The following PATL1 variants were observed in gnomAD, a reference collection of about 807,000 sequenced individuals.
PATL1 encodes protein PAT1 homolog 1.
In PATL1, 32 loss-of-function variants were observed where a neutral mutation model predicts 100.6. The ratio of observed to expected loss-of-function variants is 0.32; its 90% CI spans 0.24 to 0.43. PATL1 has a LOEUF of 0.43. Among genes scored for constraint, PATL1 ranks in the 20% least tolerant of loss-of-function variants. The pLI is 1.00. For synonymous variants in PATL1, 332 were observed against 330.0 expected (o/e 1.01, Z -0.07); for missense variants, 747 against 949.9 (o/e 0.79, Z 2.81).
At position 59,638,324 on chromosome 11, in the gene PATL1, T is replaced by TC; in HGVS notation, c.*65dup. ...ACCTTCCTTCCCTCATTAAAAACAC[T>TC]CCATTGGTGATGGCAGCAGTGCAGG... On this transcript the variant is annotated 3_prime_UTR_variant, in exon 19 of 19. Transcript: ENST00000300146. 2.0e-6 allele frequency: 3 copies of TC among 1,517,618 alleles called. No individual in the cohort carries two copies. Among genetic ancestry groups the TC allele is most frequent in the Non-Finnish European group, 2.7e-6 (3 of 1,096,798 alleles). The allele number at this position is 1,517,618 out of a possible 1,614,324, so 94.0% of individuals were successfully genotyped here.
chr11:59,653,853 T>C (rs921492572), intron 9 of PATL1, 130 bp downstream of exon 9: 1 of 703,982 alleles, frequency 1.4e-6, no homozygotes, highest in African/African-American at 1.8e-5. Flanking sequence ...TACATGTTGA[T>C]AATACATCCA....
At chr11:59,665,978 T>C (rs1861682551) in intron 2 of PATL1, among the ~76,000 whole-genome samples, 1 of 152,124 alleles carries the variant, frequency 6.6e-6, no homozygotes, top group East Asian at 1.9e-4. Context: ...TTTTAAACTT[T>C]TTCCAACTCT....
At chr11:59,639,467 G>T in intron 16 of PATL1, 84 bp from the exon 17 acceptor site, 1 of 1,019,156 alleles carries the variant, frequency 9.8e-7, no homozygotes, top group Non-Finnish European at 1.5e-6. Context: ...GGCATCAGAT[G>T]GGGAACAGCT....
rs977028443 is a variant in PATL1, at chr11:59,668,988, C to T, written c.-93G>A. Reference sequence around the variant, plus strand: ...GCTCCTCCGCGCGCGGGTCCTCCACCGGCTCGCGACCCCTGGCCGCCGCCG... The same window carrying T: ...GCTCCTCCGCGCGCGGGTCCTCCACTGGCTCGCGACCCCTGGCCGCCGCCG... On this transcript the variant is annotated 5_prime_UTR_variant, in exon 1 of 19. Coordinates refer to ENST00000300146, the MANE Select transcript of PATL1 (RefSeq NM_152716.3). 1.0e-4 allele frequency: 31 copies of T among 298,064 alleles called. 1 individual carries two copies. The highest frequency in any genetic ancestry group is 9.3e-4 in the South Asian group (8 of 8,578). 18.5% of individuals were successfully genotyped at this position (298,064 alleles called of 1,614,324 possible). A position where few individuals can be genotyped will look rare whatever the true frequency, so the allele number is the denominator to read the frequency against.
At chr11:59,644,911 A>ATTTT (rs1861339724) in intron 15 of PATL1, among the ~76,000 whole-genome samples, 1 of 138,548 alleles carries the variant, frequency 7.2e-6, no homozygotes, top group African/African-American at 2.8e-5. Context: ...TTTTTTTTTA[A>ATTTT]AAAAAAAAAA....
intron 14 of PATL1, among the ~76,000 whole-genome samples, chr11:59,648,411 C>T (rs1490516372): frequency 6.6e-6 from 1 of 151,056 alleles, no homozygotes; most frequent in East Asian, 1.9e-4. Context: ...TCTCTGAACT[C>T]TTGACCTCAA....
intron 13 of PATL1, 122 bp from the exon 14 acceptor site, chr11:59,649,732 T>TA: frequency 1.8e-6 from 2 of 1,090,850 alleles, no homozygotes; most frequent in Non-Finnish European, 2.5e-6. Flanking sequence ...ACTGAGATTT[T>TA]TTTTTTTTTA....
At chr11:59,646,454 G>A (rs1590696076) in intron 15 of PATL1, among the ~76,000 whole-genome samples, 1 of 152,064 alleles carries the variant, frequency 6.6e-6, no homozygotes, top group East Asian at 1.9e-4. Flanking sequence ...CCAAAGTGTT[G>A]GGATTATAGG....
chr11:59,657,749 A>G, intron 4 of PATL1, 25 bp from the exon 5 acceptor site: 1 of 1,506,636 alleles, frequency 6.6e-7, no homozygotes, highest in Non-Finnish European at 9.0e-7. Context: ...GGTAAAATAA[A>G]ATAGAAATTA....
Position 59,653,969 on chromosome 11 carries a change from G to A in PATL1, c.1121+14C>T, listed in dbSNP as rs547978572. ...TGAATTAAGAAGCCATAAAGGAATC[G>A]GATGAGTACTTACCTTCTATTCTGT... On this transcript the variant is annotated intron_variant, in intron 9 of 18. Coordinates refer to ENST00000300146, the MANE Select transcript of PATL1 (RefSeq NM_152716.3). 4.7e-5 allele frequency: 75 copies of A among 1,592,172 alleles called. 1 individual carries two copies. The South Asian group carries it at 5.2e-4, about 11-fold the overall frequency.
At chr11:59,657,877 T>C (rs185591962) in intron 4 of PATL1, among the ~76,000 whole-genome samples, 153 bp from the exon 5 acceptor site, 18 of 152,268 alleles carry the variant, frequency 1.2e-4, no homozygotes, top group African/African-American at 3.6e-4. Context: ...GGTATATGGT[T>C]CTCTGAGTTT....
chr11:59,660,081 T>C (rs1861606986), intron 2 of PATL1, among the ~76,000 whole-genome samples: 1 of 152,236 alleles, frequency 6.6e-6, no homozygotes, highest in Non-Finnish European at 1.5e-5. Context: ...GATAGATATG[T>C]ATAGTACTAC....
At chr11:59,643,346 C>G (rs909374790) in intron 15 of PATL1, among the ~76,000 whole-genome samples, 1 of 151,968 alleles carries the variant, frequency 6.6e-6, no homozygotes, top group Non-Finnish European at 1.5e-5. Flanking sequence ...AATGCTTACA[C>G]TACACCATGG....
intron 14 of PATL1, among the ~76,000 whole-genome samples, chr11:59,648,515 T>TAA (rs72322672): frequency 6.1e-5 from 8 of 130,202 alleles, no homozygotes; most frequent in African/African-American, 2.2e-4. Context: ...AGCAACAGCT[T>TAA]AAAAAAAAAA....
intron 5 of PATL1, chr11:59,657,226 TTTCAG>T: frequency 1.3e-6 from 1 of 775,568 alleles, no homozygotes; most frequent in Non-Finnish European, 1.6e-6. Context: ...TCCCCCCGGC[TTTCAG>T]TTATCTCTCT....
intron 15 of PATL1, 89 bp from the exon 16 acceptor site, chr11:59,643,124 G>T: frequency 7.2e-7 from 1 of 1,386,734 alleles, no homozygotes; most frequent in Non-Finnish European, 9.8e-7. Context: ...ATGTTCATTT[G>T]TATATTCAAC....
Position 59,644,375 on chromosome 11 carries a change from T to C in PATL1, c.1894-1340A>G, listed in dbSNP as rs536789021. ...ATTTTAAAATATCATCTAGTATCTG[T>C]TTCAAATTCAAATTCCCTCAAATGC... On this transcript the variant is annotated intron_variant, in intron 15 of 18. Transcript: ENST00000300146. Among the ~76,000 whole-genome samples the C allele has an allele frequency of 2.0e-5, 3 of 152,230 alleles. No homozygotes were observed. The East Asian group carries it at 5.8e-4, about 29-fold the overall frequency.
intron 16 of PATL1, among the ~76,000 whole-genome samples, chr11:59,641,979 T>C (rs1179492198): frequency 6.6e-6 from 1 of 152,170 alleles, no homozygotes; most frequent in Non-Finnish European, 1.5e-5. Context: ...TTTTCATCTC[T>C]ACTGTACATA....
chr11:59,650,734 G>C lies in PATL1; in HGVS notation c.1584+20C>G. On this transcript the variant is annotated intron_variant, in intron 13 of 18. Transcript: ENST00000300146. ...AGTTCCGTATTTGAAACTAACTACA[G>C]CAACAAATTCTAAACTTACTTTCTC... 1 of 1,523,666 alleles carries C rather than the reference G, an allele frequency of 6.6e-7. No individual in the cohort carries two copies. Among genetic ancestry groups the C allele is most frequent in the South Asian group, 1.2e-5 (1 of 81,310 alleles). 94.4% of individuals were successfully genotyped at this position (1,523,666 alleles called of 1,614,324 possible).
Sources: allele counts gnomAD v4.1 joint callset (sites outside exome capture counted in the v4.1 genomes callset), GRCh38; gene constraint gnomAD v4.1.1; transcripts MANE v1.5; gene names NCBI Gene and HGNC (gene_info 2026-07-23, HGNC 2026-07-21).